The following DTD1 variants were observed in gnomAD, a reference collection of about 807,000 sequenced individuals.
The protein encoded by DTD1 is D-aminoacyl-tRNA deacylase 1.
A neutral mutation model predicts 25.6 loss-of-function variants in DTD1; 13 were observed. The ratio of observed to expected loss-of-function variants is 0.51; its 90% CI spans 0.33 to 0.81. DTD1 has a LOEUF of 0.81. Among genes scored for constraint, DTD1 ranks in the 30% least tolerant of loss-of-function variants. The pLI, the probability that DTD1 is intolerant of heterozygous loss-of-function variation, is 0.02. For missense variants in DTD1, 193 were observed against 266.4 expected, an observed-to-expected ratio of 0.72 and a Z score of 1.92; for synonymous variants, 110 against 103.6, an observed-to-expected ratio of 1.06 and a Z score of -0.37.
At chr20:18,715,069 C>T (rs1261089798) in intron 4 of DTD1, among the ~76,000 whole-genome samples, 1 of 152,162 alleles carries the variant, frequency 6.6e-6, no homozygotes, top group African/African-American at 2.4e-5. Context: ...TGACTTTGGA[C>T]ACCAGGCTGG....
chr20:18,646,370 G>A (rs1331975215), intron 4 of DTD1, among the ~76,000 whole-genome samples: 2 of 152,084 alleles, frequency 1.3e-5, no homozygotes, highest in Admixed American at 6.5e-5. Context: ...GGGGTCACTG[G>A]GCTTCCTGTA....
intron 4 of DTD1, among the ~76,000 whole-genome samples, chr20:18,641,661 ATCT>A (rs1364918950): frequency 6.6e-6 from 1 of 152,086 alleles, no homozygotes; most frequent in Non-Finnish European, 1.5e-5. Flanking sequence ...CCATTTGTAT[ATCT>A]TCTTTGGAGA....
At chr20:18,659,905 A>G (rs1052242140) in intron 4 of DTD1, among the ~76,000 whole-genome samples, 4 of 146,410 alleles carry the variant, frequency 2.7e-5, no homozygotes, top group Admixed American at 1.4e-4. Context: ...CATGTATCCC[A>G]TAACTTTAAA....
intron 4 of DTD1, among the ~76,000 whole-genome samples, chr20:18,708,089 G>A (rs978365027): frequency 4.1e-5 from 6 of 147,346 alleles, no homozygotes; most frequent in Middle Eastern, 3.4e-3. Context: ...GAGATGTGCC[G>A]TGGGTATACA....
At chr20:18,602,946 G>C (rs2060641453) in intron 3 of DTD1, among the ~76,000 whole-genome samples, 1 of 114,086 alleles carries the variant, frequency 8.8e-6, no homozygotes, top group African/African-American at 3.1e-5. Context: ...AATGTAAATG[G>C]ACTAAATTCT....
intron 4 of DTD1, chr20:18,632,331 G>A: frequency 2.0e-6 from 2 of 985,404 alleles, no homozygotes; most frequent in Non-Finnish European, 2.4e-6. Flanking sequence ...CCAGTTTCCT[G>A]GCCCCCAGAA....
At chr20:18,659,244 G>A (rs2060900358) in intron 4 of DTD1, among the ~76,000 whole-genome samples, 1 of 152,154 alleles carries the variant, frequency 6.6e-6, no homozygotes, top group Admixed American at 6.5e-5. Flanking sequence ...TGAGTCAGGT[G>A]CTAACAAACT....
chr20:18,677,533 C>T lies in DTD1; in HGVS notation c.477+49300C>T, dbSNP rs140427389. On this transcript the variant is annotated intron_variant, in intron 4 of 5. Transcript: ENST00000377452. ...ATCCTGTGCTGAGCAGAACGCTTTGCTCTGATGTTGGACGTGGTGGAAATC... is the reference window on the plus strand; with the variant it reads ...ATCCTGTGCTGAGCAGAACGCTTTGTTCTGATGTTGGACGTGGTGGAAATC... Among the ~76,000 whole-genome samples, 830 of 152,236 alleles carry T rather than the reference C, an allele frequency of 5.5e-3. 12 individuals are homozygous for T. The highest frequency in any genetic ancestry group is 0.019 in the African/African-American group (787 of 41,542).
At chr20:18,695,526 C>T (rs945591381) in intron 4 of DTD1, among the ~76,000 whole-genome samples, 3 of 15,620 alleles carry the variant, frequency 1.9e-4, no homozygotes, top group East Asian at 1.7e-3. Flanking sequence ...CTTCCTTTCC[C>T]TTCCCTTCCT....
intron 3 of DTD1, among the ~76,000 whole-genome samples, chr20:18,608,166 C>T (rs1353732134): frequency 2.0e-5 from 3 of 151,632 alleles, no homozygotes; most frequent in Non-Finnish European, 2.9e-5. Context: ...TAGAGTTGTT[C>T]GTGGTATCCC....
At chr20:18,638,187 CCA>C (rs1477566335) in intron 4 of DTD1, among the ~76,000 whole-genome samples, 709 of 37,852 alleles carry the variant, frequency 0.019, 5 homozygotes, top group Middle Eastern at 0.18. Context: ...ATCCATCCAT[CCA>C]TCCATCCATC....
At chr20:18,652,761 C>T (rs1414038501) in intron 4 of DTD1, among the ~76,000 whole-genome samples, 1 of 152,164 alleles carries the variant, frequency 6.6e-6, no homozygotes, top group Non-Finnish European at 1.5e-5. Flanking sequence ...TCCGAATTTC[C>T]ATCAGTATGA....
chr20:18,700,016 T>G (rs934176805), intron 4 of DTD1, among the ~76,000 whole-genome samples: 1 of 152,242 alleles, frequency 6.6e-6, no homozygotes, highest in Non-Finnish European at 1.5e-5. Context: ...ATTGTCCCAC[T>G]GGGTCCAGAA....
chr20:18,754,772 T>C (rs1053710467), intron 5 of DTD1, among the ~76,000 whole-genome samples: 6 of 152,208 alleles, frequency 3.9e-5, no homozygotes, highest in African/African-American at 1.2e-4. Flanking sequence ...AAGAGACATC[T>C]TTAGCAAGTG....
At chr20:18,754,771 C>G (rs1422647313) in intron 5 of DTD1, among the ~76,000 whole-genome samples, 1 of 152,212 alleles carries the variant, frequency 6.6e-6, no homozygotes, top group Non-Finnish European at 1.5e-5. Flanking sequence ...GAAGAGACAT[C>G]TTTAGCAAGT....
chr20:18,626,200 A>G (rs1445656616), intron 3 of DTD1, among the ~76,000 whole-genome samples: 1 of 152,206 alleles, frequency 6.6e-6, no homozygotes, highest in Non-Finnish European at 1.5e-5. Flanking sequence ...CTTTGTAACC[A>G]TCCCAGGACA....
At chr20:18,708,205 ATTTTATATATATAATATATATATATT>A (rs2061135409) in intron 4 of DTD1, among the ~76,000 whole-genome samples, 16 of 53,822 alleles carry the variant, frequency 3.0e-4, no homozygotes, top group Middle Eastern at 9.8e-3. Flanking sequence ...TTATATATAT[ATTTTATATATATAATATATATATATT>A]TTATATATAT....
chr20:18,684,134 AC>A (rs1359655498), intron 4 of DTD1, among the ~76,000 whole-genome samples: 4 of 151,970 alleles, frequency 2.6e-5, no homozygotes, highest in African/African-American at 9.7e-5. Flanking sequence ...TCAGCAATTC[AC>A]TGTGAGAATC....
chr20:18,619,079 A>T (rs1459009700), intron 3 of DTD1, among the ~76,000 whole-genome samples: 1 of 152,090 alleles, frequency 6.6e-6, no homozygotes, highest in African/African-American at 2.4e-5. Context: ...TCCTAGGCTC[A>T]AGCCGTCTTC....
Sources: allele counts gnomAD v4.1 joint callset (sites outside exome capture counted in the v4.1 genomes callset), GRCh38; gene constraint gnomAD v4.1.1; transcripts MANE v1.5; gene names NCBI Gene and HGNC (gene_info 2026-07-23, HGNC 2026-07-21).